Variants in PLCH1 observed in about 807,000 individuals in gnomAD.
PLCH1 encodes the protein 1-phosphatidylinositol 4,5-bisphosphate phosphodiesterase eta-1.
Under a neutral mutation model 126.7 loss-of-function variants are expected in PLCH1, and 60 were observed. That is an observed-to-expected ratio of 0.47 (90% CI 0.38 to 0.59). The LOEUF (loss-of-function observed/expected upper bound fraction) is 0.59, where lower values mean the gene tolerates loss of function less well. PLCH1 is among the 20% of genes least tolerant of loss of function. PLCH1 has a pLI of 0.00. For synonymous variants in PLCH1, 719 were observed against 734.9 expected (o/e 0.98, Z 0.35); for missense variants, 1,723 against 2,040.0 (o/e 0.84, Z 2.99).
At chr3:155,731,480 T>C (rs1350754646) in intron 1 of PLCH1, among the ~76,000 whole-genome samples, 2 of 152,144 alleles carry the variant, frequency 1.3e-5, no homozygotes, top group African/African-American at 4.8e-5. Context: ...ATGCAACGTC[T>C]GCCCACCTAC....
intron 4 of PLCH1, among the ~76,000 whole-genome samples, chr3:155,588,696 C>T (rs556881897): frequency 1.3e-4 from 20 of 152,254 alleles, no homozygotes; most frequent in African/African-American, 4.8e-4. Flanking sequence ...ACACGGAAAT[C>T]GGCCTTGATT....
chr3:155,586,091 G>T lies in PLCH1; in HGVS notation c.574C>A (p.Arg192=). 1.2e-6 allele frequency: 2 copies of T among 1,613,756 alleles called. No individual in the cohort carries two copies. The highest frequency in any genetic ancestry group is 1.1e-5 in the South Asian group (1 of 91,062). The change falls in exon 5 of 23, where the codon CGA becomes AGA. Residue 192 remains arginine, a synonymous_variant. Coordinates refer to ENST00000460012, the MANE Select transcript of PLCH1 (RefSeq NM_014996.4). ...LMHKLNVNLP[R]RKVRQMFQEA... is the part of the protein sequence containing the mutation. ...TGAAACATTTGTCTGACTTTTCTTC[G>T]GGGCAGATTAACATTCAGTTTATGC...
chr3:155,565,636 T>C (rs1728245525), intron 7 of PLCH1, among the ~76,000 whole-genome samples: 1 of 152,148 alleles, frequency 6.6e-6, no homozygotes, highest in African/African-American at 2.4e-5. Flanking sequence ...AAAACTCTTC[T>C]TTATAAATTA....
At chr3:155,698,945 TTAAA>T (rs1276105245) in intron 2 of PLCH1, among the ~76,000 whole-genome samples, 1 of 151,574 alleles carries the variant, frequency 6.6e-6, no homozygotes, top group Non-Finnish European at 1.5e-5. Flanking sequence ...TTTATAAAAC[TTAAA>T]TGAATGAAAT....
intron 1 of PLCH1, among the ~76,000 whole-genome samples, chr3:155,705,048 T>G (rs1746554643): frequency 6.6e-6 from 1 of 152,196 alleles, no homozygotes; most frequent in East Asian, 1.9e-4. Context: ...TAAAGCAACT[T>G]TTCAGAATTC....
intron 8 of PLCH1, among the ~76,000 whole-genome samples, chr3:155,561,350 T>C (rs1190993347): frequency 6.8e-6 from 1 of 147,738 alleles, no homozygotes; most frequent in Non-Finnish European, 1.5e-5. Context: ...GCTCTCATTG[T>C]TCAATTCCCA....
intron 2 of PLCH1, among the ~76,000 whole-genome samples, chr3:155,614,993 G>T (rs889951680): frequency 3.3e-5 from 5 of 151,804 alleles, no homozygotes; most frequent in African/African-American, 1.2e-4. Context: ...CAGAGTAAAT[G>T]GAAAACCCAA....
intron 8 of PLCH1, among the ~76,000 whole-genome samples, chr3:155,557,791 G>A (rs548889181): frequency 5.5e-4 from 83 of 152,260 alleles, no homozygotes; most frequent in African/African-American, 1.9e-3. Context: ...TAGCCATTCT[G>A]AAGGCCAAAT....
intron 2 of PLCH1, among the ~76,000 whole-genome samples, chr3:155,597,400 A>C (rs1251727523): frequency 6.6e-6 from 1 of 152,200 alleles, no homozygotes; most frequent in African/African-American, 2.4e-5. Context: ...TTTCCCCTTG[A>C]TTCTGCAAGT....
intron 2 of PLCH1, among the ~76,000 whole-genome samples, chr3:155,640,495 G>A (rs556866840): frequency 5.0e-4 from 76 of 152,348 alleles, no homozygotes; most frequent in African/African-American, 1.8e-3. Flanking sequence ...CAGCACCCTG[G>A]CTGAAAGTAG....
chr3:155,591,072 A>C (rs1732102991), intron 4 of PLCH1, among the ~76,000 whole-genome samples: 1 of 152,222 alleles, frequency 6.6e-6, no homozygotes, highest in Non-Finnish European at 1.5e-5. Context: ...GAAAACTTTT[A>C]ACCAACAAAG....
At chr3:155,690,136 G>A (rs1276929910) in intron 2 of PLCH1, among the ~76,000 whole-genome samples, 3 of 151,946 alleles carry the variant, frequency 2.0e-5, no homozygotes, top group Non-Finnish European at 4.4e-5. Context: ...CCAGGAGAGA[G>A]TAGCATGACA....
chr3:155,716,589 T>TG (rs926915789), intron 1 of PLCH1, among the ~76,000 whole-genome samples: 2 of 152,066 alleles, frequency 1.3e-5, no homozygotes, highest in African/African-American at 4.8e-5. Flanking sequence ...GAGAATACGA[T>TG]GGGGGGTGCC....
chr3:155,741,684 C>CTTTTATTTTTTTTTATTTTTATTT, intron 1 of PLCH1, among the ~76,000 whole-genome samples: 1 of 102,866 alleles, frequency 9.7e-6, no homozygotes, highest in Non-Finnish European at 1.7e-5. Context: ...TTTATATCCT[C>CTTTTATTTTTTTTTATTTTTATTT]TTTTTTTTTT....
At chr3:155,644,619 A>G (rs1209402842) in intron 2 of PLCH1, among the ~76,000 whole-genome samples, 4 of 152,126 alleles carry the variant, frequency 2.6e-5, no homozygotes, top group Non-Finnish European at 5.9e-5. Flanking sequence ...AAAATAAAAT[A>G]AATAAAATAA....
downstream of PLCH1, among the ~76,000 whole-genome samples, chr3:155,477,388 G>A (rs145863128): frequency 1.3e-5 from 2 of 152,092 alleles, no homozygotes; most frequent in East Asian, 3.9e-4. Flanking sequence ...AGCAAAAACA[G>A]ACAAATGGGA....
intron 12 of PLCH1, among the ~76,000 whole-genome samples, chr3:155,511,881 C>A (rs1719584895): frequency 6.6e-6 from 1 of 152,098 alleles, no homozygotes; most frequent in East Asian, 1.9e-4. Flanking sequence ...GGGCTCCACC[C>A]AGTTCGAGCT....
In PLCH1 at chr3:155,490,816, C is replaced by T. The variant is rs368958228; in HGVS notation, c.2360G>A (p.Cys787Tyr). The T allele has an allele frequency of 6.9e-6, 11 of 1,598,736 alleles. No individual in the cohort carries two copies. In the African/African-American group the frequency reaches 1.5e-4, roughly 21 times the overall value. Reference protein sequence around the residue: ...VEIIGLPVDCCKDQTRVVDDN... With the variant: ...VEIIGLPVDCYKDQTRVVDDN... The stretch of plus-strand genomic sequence containing the variant: ...ATCTACCACACGGGTTTGATCTTTA[C>T]AACAATCTACTGGCAATCCAATAAT... Residue 787 changes from cysteine (C) to tyrosine (Y), a missense_variant, in exon 19 of 23, where the codon TGT (cysteine) becomes TAT (tyrosine). Transcript: ENST00000460012.
intron 2 of PLCH1, among the ~76,000 whole-genome samples, chr3:155,700,434 T>C (rs905332334): frequency 6.6e-6 from 1 of 152,214 alleles, no homozygotes; most frequent in Non-Finnish European, 1.5e-5. Context: ...CCCTAGATAG[T>C]AAAAGATACT....
Sources: allele counts gnomAD v4.1 joint callset (sites outside exome capture counted in the v4.1 genomes callset), GRCh38; gene constraint gnomAD v4.1.1; transcripts MANE v1.5; gene names NCBI Gene and HGNC (gene_info 2026-07-23, HGNC 2026-07-21).